The following RGL1 variants were observed in gnomAD, a reference collection of about 807,000 sequenced individuals.
RGL1 encodes ral guanine nucleotide dissociation stimulator like 1, also known as ral guanine nucleotide dissociation stimulator-like 1.
RGL1 carries 24 observed loss-of-function variants against 95.2 expected under a neutral mutation model. The ratio of observed to expected loss-of-function variants is 0.25; its 90% CI spans 0.18 to 0.35. RGL1 has a LOEUF of 0.35. RGL1 is among the 10% of genes least tolerant of loss of function. RGL1 has a pLI of 1.00. For synonymous variants in RGL1, 329 were observed against 344.9 expected (o/e 0.95, Z 0.51); for missense variants, 715 against 936.3 (o/e 0.76, Z 3.08).
At position 183,771,679 on chromosome 1, in the gene RGL1, G is replaced by GGAA. The variant is rs1475145741; in HGVS notation, c.132+29392_132+29394dup. 7.9e-5 allele frequency among the ~76,000 whole-genome samples: 12 copies of GGAA among 152,284 alleles called. No individual in the cohort carries two copies. The South Asian group carries it at 2.5e-3, about 32-fold the overall frequency. ...GGTTCCTTTAAATGATATGGAAGCG[G>GGAA]GAAGGGAAGTGTTGGATAGCGGAGG... On this transcript the variant is annotated intron_variant, in intron 2 of 18. Transcript: ENST00000304685.
intron 1 of RGL1, among the ~76,000 whole-genome samples, chr1:183,708,942 G>A (rs1655091494): frequency 6.6e-6 from 1 of 152,192 alleles, no homozygotes; most frequent in Middle Eastern, 3.2e-3. Flanking sequence ...CCCCGAGAGC[G>A]CGCCAATGAA....
chr1:183,826,208 C>T (rs1399891354), intron 2 of RGL1, among the ~76,000 whole-genome samples: 2 of 152,056 alleles, frequency 1.3e-5, no homozygotes, highest in African/African-American at 2.4e-5. Context: ...CGCCCACCAC[C>T]ACACCCAGCT....
At chr1:183,636,132 C>A in exon 1 of RGL1, 1 of 399,348 alleles carries the variant, frequency 2.5e-6, no homozygotes, top group Non-Finnish European at 4.4e-6. Context: ...TGGGCAGCAG[C>A]GGCAGGTGGC....
At chr1:183,785,514 A>T (rs1331927503) in intron 2 of RGL1, among the ~76,000 whole-genome samples, 1 of 152,106 alleles carries the variant, frequency 6.6e-6, no homozygotes, top group East Asian at 1.9e-4. Flanking sequence ...AGGTCCTATT[A>T]TCTTTATCCT....
At chr1:183,717,999 C>G (rs1190719855) in intron 1 of RGL1, among the ~76,000 whole-genome samples, 1 of 152,136 alleles carries the variant, frequency 6.6e-6, no homozygotes, top group Non-Finnish European at 1.5e-5. Flanking sequence ...GTAATTCCAG[C>G]ACTTTGGGAG....
chr1:183,829,241 G>A (rs1663088648), intron 2 of RGL1, among the ~76,000 whole-genome samples: 1 of 151,972 alleles, frequency 6.6e-6, no homozygotes, highest in Non-Finnish European at 1.5e-5. Flanking sequence ...GAGCCCATGA[G>A]TCTACCTGGG....
At chr1:183,810,989 C>T (rs1169149126) in intron 2 of RGL1, among the ~76,000 whole-genome samples, 1 of 152,202 alleles carries the variant, frequency 6.6e-6, no homozygotes, top group Non-Finnish European at 1.5e-5. Context: ...AAACTCAATA[C>T]ATGTTTGTTG....
At position 183,907,138 on chromosome 1, in the gene RGL1, G is replaced by T; in HGVS notation, c.1562+37G>T. 4.6e-6 allele frequency: 6 copies of T among 1,307,914 alleles called. 1 individual carries two copies. In the South Asian group the frequency reaches 7.3e-5, roughly 16 times the overall value. The allele number at this position is 1,307,914 out of a possible 1,614,324, so 81.0% of individuals were successfully genotyped here. ...CTGGGGGTTCTGGGGCTCCAAGAGGGTGCCATCAGAGTCGTGAGAGGAGAT... is the reference window on the plus strand; with the variant it reads ...CTGGGGGTTCTGGGGCTCCAAGAGGTTGCCATCAGAGTCGTGAGAGGAGAT... On this transcript the variant is annotated intron_variant, in intron 14 of 17. Transcript: ENST00000360851.
intron 1 of RGL1, among the ~76,000 whole-genome samples, chr1:183,734,234 C>T (rs559531997): frequency 2.6e-5 from 4 of 152,208 alleles, no homozygotes; most frequent in South Asian, 4.2e-4. Flanking sequence ...TGAATCCTTT[C>T]GAGAGCTCAG....
At chr1:183,706,808 C>T (rs1654943227) in intron 1 of RGL1, among the ~76,000 whole-genome samples, 1 of 152,178 alleles carries the variant, frequency 6.6e-6, no homozygotes, top group African/African-American at 2.4e-5. Flanking sequence ...TTGTTAAGGA[C>T]TTTGAAGGCT....
At chr1:183,756,077 G>A (rs896588548) in intron 2 of RGL1, among the ~76,000 whole-genome samples, 1 of 152,022 alleles carries the variant, frequency 6.6e-6, no homozygotes, top group East Asian at 1.9e-4. Flanking sequence ...TAAAGACGGG[G>A]TTTCACCATG....
At chr1:183,758,350 C>T (rs1658473418) in intron 2 of RGL1, among the ~76,000 whole-genome samples, 1 of 152,158 alleles carries the variant, frequency 6.6e-6, no homozygotes, top group East Asian at 1.9e-4. Flanking sequence ...GCGCCTGCCA[C>T]CATGCCTGGC....
In RGL1 at chr1:183,912,079, C is replaced by T. The variant is rs77396524; in HGVS notation, c.1563-3C>T. On this transcript the variant is annotated splice_region_variant and splice_polypyrimidine_tract_variant and intron_variant, in intron 14 of 17. Transcript: ENST00000360851. Reference sequence around the variant, plus strand: ...AAATGCTTGGCATTCTGTTTTTTTCCAGACTGTTTCTAGGGTCTGACATGA... The same window carrying T: ...AAATGCTTGGCATTCTGTTTTTTTCTAGACTGTTTCTAGGGTCTGACATGA... The T allele has an allele frequency of 2.5e-3, 3,966 of 1,608,078 alleles. 55 individuals are homozygous for T. In the East Asian group the frequency reaches 0.031, roughly 13 times the overall value.
intron 2 of RGL1, among the ~76,000 whole-genome samples, chr1:183,823,982 CTTGCTATG>C (rs1454468890): frequency 1.3e-5 from 2 of 151,698 alleles, no homozygotes; most frequent in Non-Finnish European, 2.9e-5. Flanking sequence ...AGAGATGGGC[CTTGCTATG>C]TTACCCAGGC....
rs1247407892 is a variant in RGL1, at chr1:183,724,249, A to T, written c.-32-17877A>T. On this transcript the variant is annotated intron_variant, in intron 1 of 18. Coordinates refer to the RGL1 transcript ENST00000304685. This position sits in a 1 kb window ranked among gnomAD's most constrained non-coding sequence, Gnocchi z 4.1. ...CAGCACATTCCCAGCTGTGGTGGCT[A>T]TGAGGAGAGACTGTTTCTGCTTGAG... 6.6e-6 allele frequency among the ~76,000 whole-genome samples: 1 copy of T among 152,128 alleles called. No homozygotes were observed. Among genetic ancestry groups the T allele is most frequent in the Non-Finnish European group, 1.5e-5 (1 of 68,020 alleles).
intron 16 of RGL1, among the ~76,000 whole-genome samples, chr1:183,919,702 C>T (rs924619935): frequency 3.3e-5 from 5 of 152,190 alleles, no homozygotes; most frequent in Non-Finnish European, 7.3e-5. Flanking sequence ...ATCACTCTTT[C>T]GAAATGATCT....
chr1:183,696,991 C>T (rs1654290508), intron 1 of RGL1, among the ~76,000 whole-genome samples: 1 of 152,198 alleles, frequency 6.6e-6, no homozygotes, highest in Non-Finnish European at 1.5e-5. Flanking sequence ...CTATTTCAAA[C>T]ACAGCAGCCA....
At chr1:183,725,459 A>G (rs1244008359) in intron 1 of RGL1, among the ~76,000 whole-genome samples, 5 of 152,210 alleles carry the variant, frequency 3.3e-5, no homozygotes, top group African/African-American at 4.8e-5. Context: ...TAAAAACCCA[A>G]TTATGTGTAG....
intron 2 of RGL1, among the ~76,000 whole-genome samples, chr1:183,830,140 C>T (rs1473286535): frequency 2.0e-5 from 3 of 152,136 alleles, no homozygotes; most frequent in Admixed American, 2.0e-4. Context: ...TAGTCCTCCA[C>T]TTATGAGGAT....
Sources: allele counts gnomAD v4.1 joint callset (sites outside exome capture counted in the v4.1 genomes callset), GRCh38; gene constraint gnomAD v4.1.1; non-coding constraint Gnocchi (gnomAD v3.1); transcripts MANE v1.5; gene names NCBI Gene and HGNC (gene_info 2026-07-23, HGNC 2026-07-21).